The following IFT46 variants were observed in gnomAD, a reference collection of about 807,000 sequenced individuals.
IFT46 encodes intraflagellar transport 46, also known as intraflagellar transport protein 46 homolog.
IFT46 carries 19 observed loss-of-function variants against 39.6 expected under a neutral mutation model. The ratio of observed to expected loss-of-function variants is 0.48; its 90% CI spans 0.33 to 0.70. The LOEUF is 0.70. IFT46 is among the 30% of genes least tolerant of loss of function. The pLI is 0.01. For missense variants in IFT46, 334 were observed against 364.8 expected, an observed-to-expected ratio of 0.92 and a Z score of 0.69; for synonymous variants, 117 against 134.8, an observed-to-expected ratio of 0.87 and a Z score of 0.91.
intron 1 of IFT46, chr11:118,572,314 G>C (rs1351416033): frequency 4.0e-6 from 2 of 505,418 alleles, no homozygotes; most frequent in Non-Finnish European, 7.2e-6. Flanking sequence ...TAACCGGAGC[G>C]GGGTACCCTC....
At chr11:118,560,895 T>C (rs1938034125) in intron 2 of IFT46, 1 of 818,932 alleles carries the variant, frequency 1.2e-6, no homozygotes. Context: ...TATGCCCGTA[T>C]AGAGGGGGAT....
At chr11:118,555,477 T>C (rs1937799897) in intron 4 of IFT46, 155 bp from the exon 5 acceptor site, 12 of 600,028 alleles carry the variant, frequency 2.0e-5, no homozygotes, top group Admixed American at 6.0e-5. Context: ...GCAAGGCAAC[T>C]TTAAGGTTGA....
intron 3 of IFT46, chr11:118,557,716 T>C (rs1937887648): frequency 6.2e-7 from 1 of 1,613,432 alleles, no homozygotes. Flanking sequence ...ACAGCTCTTT[T>C]GTTCTTGACA....
At chr11:118,564,143 C>T (rs760817801) in intron 2 of IFT46, among the ~76,000 whole-genome samples, 49 of 139,744 alleles carry the variant, frequency 3.5e-4, no homozygotes, top group Admixed American at 7.7e-4. Flanking sequence ...GAGCCAAGAT[C>T]GCACCACTGC....
chr11:118,568,397 C>T (rs1182527101), upstream of IFT46, among the ~76,000 whole-genome samples: 1 of 151,746 alleles, frequency 6.6e-6, no homozygotes, highest in Non-Finnish European at 1.5e-5. Flanking sequence ...ACTAAAAATA[C>T]AAAAATTAGC....
upstream of IFT46, among the ~76,000 whole-genome samples, chr11:118,574,559 A>G (rs1938439115): frequency 6.6e-6 from 1 of 152,116 alleles, no homozygotes; most frequent in Non-Finnish European, 1.5e-5. Flanking sequence ...AAAAAAAAAT[A>G]TACATTTCAA....
intron 9 of IFT46, among the ~76,000 whole-genome samples, chr11:118,549,512 T>A (rs536376960): frequency 6.6e-6 from 1 of 151,770 alleles, no homozygotes; most frequent in African/African-American, 2.4e-5. Context: ...ACTGTCACAT[T>A]TTCTCCATTA....
At chr11:118,572,493 T>C in intron 1 of IFT46, 1 of 1,605,544 alleles carries the variant, frequency 6.2e-7, no homozygotes, top group Non-Finnish European at 8.5e-7. Flanking sequence ...CCCCAGACCC[T>C]ACCCCTATCC....
chr11:118,559,403 G>A (rs74645877), intron 3 of IFT46, among the ~76,000 whole-genome samples: 1,539 of 152,194 alleles, frequency 0.01, 23 homozygotes, highest in African/African-American at 0.034. Flanking sequence ...TTTCAAACTC[G>A]CTTTAGCATA....
upstream of IFT46, among the ~76,000 whole-genome samples, chr11:118,574,259 T>G (rs2135527916): frequency 6.6e-6 from 1 of 152,284 alleles, no homozygotes; most frequent in East Asian, 1.9e-4. Flanking sequence ...CTCTGTAGAG[T>G]GTTAAGACAT....
chr11:118,560,828 C>T lies in IFT46; in HGVS notation c.-35-964G>A, dbSNP rs1938030641. The T allele has an allele frequency of 1.3e-5, 10 of 752,196 alleles. No individual in the cohort carries two copies. In the South Asian group the frequency reaches 1.4e-4, roughly 10 times the overall value. 46.6% of individuals were successfully genotyped at this position (752,196 alleles called of 1,614,324 possible). ...ACAGGATAAAAATAAATACAACACA[C>T]CCAAATATAAGATGATAGTTCGTGT... On this transcript the variant is annotated intron_variant, in intron 2 of 11. Transcript: ENST00000264021.
At chr11:118,557,788 G>A in intron 3 of IFT46, 4 of 1,614,156 alleles carry the variant, frequency 2.5e-6, no homozygotes, top group South Asian at 2.2e-5. Flanking sequence ...TCAAGTACAT[G>A]AGAAGGGGTC....
At chr11:118,561,635 G>GAA in intron 2 of IFT46, 13 of 351,366 alleles carry the variant, frequency 3.7e-5, no homozygotes, top group South Asian at 1.2e-4. Context: ...CATATGGACA[G>GAA]AAAAAAAAAA....
At chr11:118,560,720 G>A in intron 2 of IFT46, 3 of 644,474 alleles carry the variant, frequency 4.7e-6, no homozygotes, top group Non-Finnish European at 8.4e-6. Flanking sequence ...TAAGAATAAA[G>A]CCTACTTTAA....
At position 118,548,050 on chromosome 11, in the gene IFT46, T is replaced by C. The variant is rs868991570; in HGVS notation, c.673-2197A>G. Among the ~76,000 whole-genome samples the C allele has an allele frequency of 1.8e-3, 272 of 149,380 alleles. 5 individuals carry two copies. The highest frequency in any genetic ancestry group is 4.0e-3 in the Admixed American group (61 of 15,088). ...CGTGAGCCACCACGCCCAGCCTTTT[T>C]TTTTTTTTTTTTTAATAGAGAAGAG... On this transcript the variant is annotated intron_variant, in intron 9 of 11. Coordinates refer to ENST00000264021, the MANE Select transcript of IFT46 (RefSeq NM_001168618.2).
chr11:118,545,761 G>A (rs782448005), intron 10 of IFT46, 32 bp downstream of exon 10: 2 of 1,603,594 alleles, frequency 1.2e-6, no homozygotes, highest in Non-Finnish European at 1.7e-6. Flanking sequence ...TCTATCCAGA[G>A]ATGGGGACGA....
intron 3 of IFT46, among the ~76,000 whole-genome samples, chr11:118,558,241 T>C (rs1937907838): frequency 6.6e-6 from 1 of 152,226 alleles, no homozygotes; most frequent in Admixed American, 6.5e-5. Flanking sequence ...TCTTTCTCAA[T>C]TCAAGATTTG....
At chr11:118,561,005 C>T (rs1205772817) in intron 2 of IFT46, 11 of 1,451,756 alleles carry the variant, frequency 7.6e-6, no homozygotes, top group African/African-American at 2.8e-5. Flanking sequence ...GCTGCTGGCC[C>T]GCAGGCTTCC....
At chr11:118,561,349 C>A in intron 2 of IFT46, 1 of 921,748 alleles carries the variant, frequency 1.1e-6, no homozygotes, top group Non-Finnish European at 1.8e-6. Flanking sequence ...CTTACAAGAA[C>A]CAGTTCTCTC....
Sources: allele counts gnomAD v4.1 joint callset (sites outside exome capture counted in the v4.1 genomes callset), GRCh38; gene constraint gnomAD v4.1.1; transcripts MANE v1.5; gene names NCBI Gene and HGNC (gene_info 2026-07-23, HGNC 2026-07-21).